The following CD320 variants were observed in gnomAD, a reference collection of about 807,000 sequenced individuals.
The protein encoded by CD320 is CD320 molecule.
A neutral mutation model predicts 22.1 loss-of-function variants in CD320; 16 were observed. That is an observed-to-expected ratio of 0.73 (90% CI 0.49 to 1.10). CD320 has a LOEUF of 1.10. Ranked by LOEUF, CD320 falls within the 50% of genes least tolerant of loss-of-function variation. The pLI is 0.00. For missense variants in CD320, 388 were observed against 376.9 expected, an observed-to-expected ratio of 1.03 and a Z score of -0.24; for synonymous variants, 188 against 167.8, an observed-to-expected ratio of 1.12 and a Z score of -0.93.
Position 8,305,046 on chromosome 19 carries a change from C to G in CD320, c.253G>C (p.Asp85His). Residue 85 changes from aspartate (D) to histidine (H), a missense_variant, in exon 2 of 5, where the codon GAT becomes CAT. By Grantham distance (81) the Asp-to-His change is moderately conservative. Transcript: ENST00000301458. The stretch of plus-strand genomic sequence containing the variant: ...GGCCACTCACTGCACTCCTCCTCAT[C>G]GCTGCCATCGCTGCAGTCCAAGTCC... ...DRDLDCSDGS[D>H]EEECRIEPCT... 2 of 1,609,146 alleles carry G rather than the reference C, an allele frequency of 1.2e-6. No homozygotes were observed. The highest frequency in any genetic ancestry group is 1.1e-5 in the South Asian group (1 of 91,066).
intron 1 of CD320, among the ~76,000 whole-genome samples, chr19:8,306,966 C>T (rs1029195894): frequency 9.2e-5 from 14 of 152,224 alleles, no homozygotes; most frequent in Non-Finnish European, 1.6e-4. Flanking sequence ...CACCTGTAAA[C>T]GGGGTATGCT....
At chr19:8,307,200 G>A (rs574048520) in intron 1 of CD320, among the ~76,000 whole-genome samples, 4 of 151,758 alleles carry the variant, frequency 2.6e-5, no homozygotes, top group South Asian at 2.1e-4. Context: ...GCTGAGGCAT[G>A]AGAATTGCTT....
At chr19:8,308,104 A>T in intron 1 of CD320, 45 bp downstream of exon 1, 1 of 1,431,364 alleles carries the variant, frequency 7.0e-7, no homozygotes, top group East Asian at 2.7e-5. Flanking sequence ...CGGCGGGGCG[A>T]AGCCTCGCGA....
chr19:8,303,273 C>T (rs954646743), intron 3 of CD320, among the ~76,000 whole-genome samples: 12 of 151,974 alleles, frequency 7.9e-5, no homozygotes, highest in African/African-American at 2.4e-4. Flanking sequence ...CACGCCACCA[C>T]GCCTAGCTAA....
At chr19:8,305,655 G>A (rs186165435) in intron 1 of CD320, 141 of 164,948 alleles carry the variant, frequency 8.5e-4, no homozygotes, top group Middle Eastern at 3.1e-3. Context: ...GCAATGAACC[G>A]AAATCATACT....
At chr19:8,308,057 G>A in intron 1 of CD320, 92 bp downstream of exon 1, 2 of 1,237,888 alleles carry the variant, frequency 1.6e-6, no homozygotes, top group Non-Finnish European at 2.1e-6. Context: ...GAACTGACGT[G>A]CGGTGCAGCC....
In CD320 at chr19:8,302,817, C is replaced by T. The variant is rs753120890; in HGVS notation, c.666G>A (p.Gln222=). 2 of 1,614,196 alleles carry T rather than the reference C, an allele frequency of 1.2e-6. No homozygotes were observed. The highest frequency in any genetic ancestry group is 2.2e-5 in the South Asian group (2 of 91,088). Residue 222 remains glutamine (Q), a synonymous_variant, in exon 4 of 5, where the codon CAG becomes CAA. Coordinates refer to ENST00000301458, the MANE Select transcript of CD320 (RefSeq NM_016579.4). The stretch of plus-strand genomic sequence containing the variant: ...CCCCATAGGCAGTTGGGCTTCCAGA[C>T]TGGTCTCCGGCAGAGGAGGATGTGG... ...GNATSSSAGD[Q]SGSPTAYGVI...
chr19:8,304,846 C>G (rs148523270), intron 2 of CD320, 185 bp downstream of exon 2: 2 of 612,738 alleles, frequency 3.3e-6, no homozygotes, highest in African/African-American at 1.8e-5. Context: ...GGATTGCAGG[C>G]GTGAGCCACT....
At chr19:8,305,954 G>C (rs575456921) in intron 1 of CD320, 1 of 152,234 alleles carries the variant, frequency 6.6e-6, no homozygotes, top group Non-Finnish European at 1.5e-5. Flanking sequence ...CAGTGGGTGG[G>C]AAACTGAGGC....
chr19:8,307,643 A>C (rs1970111775), intron 1 of CD320, among the ~76,000 whole-genome samples: 1 of 152,188 alleles, frequency 6.6e-6, no homozygotes, highest in African/African-American at 2.4e-5. Context: ...AGCCTGCAGT[A>C]GCATGGGGGG....
At position 8,308,165 on chromosome 19, in the gene CD320, G is replaced by T; in HGVS notation, c.126C>A (p.Thr42=). The T allele has an allele frequency of 6.5e-7, 1 of 1,549,332 alleles. No individual in the cohort carries two copies. The highest frequency in any genetic ancestry group is 2.4e-5 in the East Asian group (1 of 41,336). The change falls in exon 1 of 5, where the codon ACC becomes ACA. Residue 42 remains threonine (T), a synonymous_variant. Coordinates refer to ENST00000301458, the MANE Select transcript of CD320 (RefSeq NM_016579.4). ...EAAASPLSTP[T]SAQAAGPSSG... ...GTCACTCACCTGCGGCCTGGGCAGA[G>T]GTCGGGGTGGAAAGCGGGCTCGCGG...
In CD320 at chr19:8,302,368, G is replaced by C. The variant is rs972858171; in HGVS notation, c.*95C>G. ...CGTGGCCAGAAGAGCTCAGGTCTCTGAGGGCTGGTGTGCCCGGGTACCCAT... is the reference window on the plus strand; with the variant it reads ...CGTGGCCAGAAGAGCTCAGGTCTCTCAGGGCTGGTGTGCCCGGGTACCCAT... On this transcript the variant is annotated 3_prime_UTR_variant, in exon 5 of 5. Coordinates refer to ENST00000301458, the MANE Select transcript of CD320 (RefSeq NM_016579.4). 5 of 1,498,000 alleles carry C rather than the reference G, an allele frequency of 3.3e-6. No individual in the cohort carries two copies. Among genetic ancestry groups the C allele is most frequent in the Admixed American group, 1.7e-5 (1 of 59,832 alleles). 92.8% of individuals were successfully genotyped at this position (1,498,000 alleles called of 1,614,324 possible). A position where few individuals can be genotyped will look rare whatever the true frequency, so the allele number is the denominator to read the frequency against.
At chr19:8,306,080 C>T (rs954203170) in intron 1 of CD320, among the ~76,000 whole-genome samples, 6 of 152,124 alleles carry the variant, frequency 3.9e-5, no homozygotes, top group African/African-American at 1.4e-4. Flanking sequence ...AGCCCCAGGC[C>T]CCAGGCCCCA....
intron 1 of CD320, among the ~76,000 whole-genome samples, chr19:8,307,813 T>C (rs1344373316): frequency 6.6e-6 from 1 of 152,008 alleles, no homozygotes; most frequent in African/African-American, 2.4e-5. Flanking sequence ...GGTCGGACAA[T>C]CTGAGCCTGC....
chr19:8,305,251 C>G, intron 1 of CD320, 95 bp from the exon 2 acceptor site: 2 of 1,470,956 alleles, frequency 1.4e-6, no homozygotes, highest in Admixed American at 4.0e-5. Context: ...AGGAGACAGG[C>G]GAAGTCCCGG....
Position 8,302,828 on chromosome 19 carries a change from C to G in CD320, c.655G>C (p.Ala219Pro). Residue 219 changes from alanine (A) to proline (P), a missense_variant, in exon 4 of 5, where the codon GCC becomes CCC. By Grantham distance (27) the Ala-to-Pro change is conservative (BLOSUM62 -1). Coordinates refer to ENST00000301458, the MANE Select transcript of CD320 (RefSeq NM_016579.4). ...PSVGNATSSS[A>P]GDQSGSPTAY... ...GTTGGGCTTCCAGACTGGTCTCCGG[C>G]AGAGGAGGATGTGGCATTCCCGACA... 6.2e-7 allele frequency: 1 copy of G among 1,614,114 alleles called. No individual in the cohort carries two copies. The highest frequency in any genetic ancestry group is 8.5e-7 in the Non-Finnish European group (1 of 1,179,996).
intron 1 of CD320, among the ~76,000 whole-genome samples, chr19:8,307,282 CA>C (rs140780600): frequency 0.15 from 16,780 of 112,436 alleles, 1,933 homozygotes; most frequent in African/African-American, 0.35. Flanking sequence ...GAGGGAGACT[CA>C]AAAAAAAAAA....
At chr19:8,308,037 GGA>G in intron 1 of CD320, 110 bp downstream of exon 1, 1 of 1,077,736 alleles carries the variant, frequency 9.3e-7, no homozygotes, top group Non-Finnish European at 1.3e-6. Flanking sequence ...ACGTGCTGGG[GGA>G]GTGTCATGAA....
At chr19:8,305,005 C>A (rs769806526) in intron 2 of CD320, 26 bp downstream of exon 2, 15 of 1,600,816 alleles carry the variant, frequency 9.4e-6, no homozygotes, top group Non-Finnish European at 1.2e-5. Context: ...CCCCTGTAAG[C>A]CCCGCCAAGG....
Sources: allele counts gnomAD v4.1 joint callset (sites outside exome capture counted in the v4.1 genomes callset), GRCh38; gene constraint gnomAD v4.1.1; transcripts MANE v1.5; gene names NCBI Gene and HGNC (gene_info 2026-07-23, HGNC 2026-07-21).